The following NUDCD3 variants were observed in gnomAD, a reference collection of about 807,000 sequenced individuals.
NUDCD3 encodes the protein nudC domain-containing protein 3.
Under a neutral mutation model 39.7 loss-of-function variants are expected in NUDCD3, and 13 were observed. That is an observed-to-expected ratio of 0.33 (90% CI 0.21 to 0.52). The LOEUF (loss-of-function observed/expected upper bound fraction) is 0.52. NUDCD3 is among the 20% of genes least tolerant of loss of function. NUDCD3 has a pLI of 0.96. For synonymous variants in NUDCD3, 175 were observed against 172.4 expected (o/e 1.02, Z -0.12); for missense variants, 453 against 458.1 (o/e 0.99, Z 0.10).
At chr7:44,441,609 G>T (rs1164460069) in intron 2 of NUDCD3, among the ~76,000 whole-genome samples, 1 of 152,092 alleles carries the variant, frequency 6.6e-6, no homozygotes. Context: ...TCGCAGCTAG[G>T]ACTACCCACA....
intron 3 of NUDCD3, among the ~76,000 whole-genome samples, chr7:44,426,810 A>AG (rs894895805): frequency 1.3e-5 from 2 of 151,792 alleles, no homozygotes; most frequent in African/African-American, 4.8e-5. Flanking sequence ...AAAAAAAAAA[A>AG]AAAAAATAGC....
At position 44,379,902 on chromosome 7, in the gene NUDCD3, TG is replaced by T; in HGVS notation, c.*6108del. The T allele has an allele frequency of 6.6e-6, 1 of 151,984 alleles. No individual in the cohort carries two copies. Among genetic ancestry groups the T allele is most frequent in the Admixed American group, 6.5e-5 (1 of 15,270 alleles). 9.4% of individuals were successfully genotyped at this position (151,984 alleles called of 1,614,324 possible). A position where few individuals can be genotyped will look rare whatever the true frequency, so the allele number is the denominator to read the frequency against. On this transcript the variant is annotated 3_prime_UTR_variant, in exon 6 of 6. Coordinates refer to ENST00000355451, the MANE Select transcript of NUDCD3 (RefSeq NM_015332.4). ...GCAGGTGTTGCACAGTGGGGAATGG[TG>T]GGTGCAGAGCTGGGTTAGTTTTAGC...
chr7:44,386,371 C>T (rs1031385596), intron 5 of NUDCD3, among the ~76,000 whole-genome samples: 5 of 152,188 alleles, frequency 3.3e-5, no homozygotes, highest in Non-Finnish European at 7.3e-5. Context: ...ATCTTCTGTC[C>T]CCAGCAAGCA....
rs1172735209 is a variant in NUDCD3 at position 44,381,047 on chromosome 7, A to G, written c.*4964T>C. On this transcript the variant is annotated 3_prime_UTR_variant, in exon 6 of 6. Coordinates refer to ENST00000355451, the MANE Select transcript of NUDCD3 (RefSeq NM_015332.4). ...TCCTAACAGCCTGAGTGACCTCCTC[A>G]TAGCATGGGGTCAGTGCAGCGGCAA... is the stretch of plus-strand genomic sequence containing the variant. 2.0e-5 allele frequency: 3 copies of G among 152,446 alleles called. No individual in the cohort carries two copies. Among genetic ancestry groups the G allele is most frequent in the African/African-American group, 7.2e-5 (3 of 41,586 alleles). 9.4% of individuals were successfully genotyped at this position (152,446 alleles called of 1,614,324 possible).
rs543493972 is a variant in NUDCD3 at position 44,445,782 on chromosome 7, A to C, written c.510-18079T>G. Among the ~76,000 whole-genome samples the C allele has an allele frequency of 6.6e-5, 10 of 152,388 alleles. 1 individual carries two copies. Among genetic ancestry groups the C allele is most frequent in the East Asian group, 5.8e-4 (3 of 5,188 alleles). ...GAAGCAATGAGTTCTCTAATGAGAA[A>C]GTGAAAAACCAAGGCAAAGAGGTTT... On this transcript the variant is annotated intron_variant, in intron 2 of 5. Coordinates refer to ENST00000355451, the MANE Select transcript of NUDCD3 (RefSeq NM_015332.4).
At chr7:44,389,511 T>C (rs1034345639) in intron 5 of NUDCD3, among the ~76,000 whole-genome samples, 1 of 152,176 alleles carries the variant, frequency 6.6e-6, no homozygotes, top group Non-Finnish European at 1.5e-5. Context: ...ACCCCGTCTC[T>C]ACTAAAAATA....
intron 4 of NUDCD3, among the ~76,000 whole-genome samples, chr7:44,401,483 C>T (rs945387153): frequency 1.3e-5 from 2 of 152,154 alleles, no homozygotes; most frequent in South Asian, 2.1e-4. Flanking sequence ...GAGCCCTGCA[C>T]GGGAGCACTA....
At chr7:44,446,403 C>T (rs1799691386) in intron 2 of NUDCD3, among the ~76,000 whole-genome samples, 1 of 152,216 alleles carries the variant, frequency 6.6e-6, no homozygotes, top group Admixed American at 6.5e-5. Context: ...AGTACTTTTC[C>T]GTTCTCATTA....
chr7:44,414,090 C>T (rs950561982), intron 3 of NUDCD3, among the ~76,000 whole-genome samples: 2 of 151,514 alleles, frequency 1.3e-5, no homozygotes, highest in Non-Finnish European at 2.9e-5. Context: ...TTCAATATAG[C>T]AACTACACTT....
rs552493147 is a variant in NUDCD3 at position 44,383,551 on chromosome 7, G to T, written c.*2460C>A. The T allele has an allele frequency of 6.6e-6, 1 of 152,362 alleles. No individual in the cohort carries two copies. The highest frequency in any genetic ancestry group is 6.5e-5 in the Admixed American group (1 of 15,300). The allele number at this position is 152,362 out of a possible 1,614,324, so 9.4% of individuals were successfully genotyped here. On this transcript the variant is annotated 3_prime_UTR_variant, in exon 6 of 6. Transcript: ENST00000355451. ...CAACAATAATGACCATGCACAGACA[G>T]AACTGTCTCAGCAGCAAATGTCACA... is the stretch of plus-strand genomic sequence containing the variant.
chr7:44,408,854 A>T (rs1798874939), intron 3 of NUDCD3, among the ~76,000 whole-genome samples: 1 of 152,198 alleles, frequency 6.6e-6, no homozygotes, highest in Non-Finnish European at 1.5e-5. Flanking sequence ...CAGTGCTCTT[A>T]GAGCTCTTTC....
intron 2 of NUDCD3, among the ~76,000 whole-genome samples, chr7:44,478,009 AT>A (rs1800412530): frequency 6.6e-6 from 1 of 151,414 alleles, no homozygotes; most frequent in South Asian, 2.1e-4. Flanking sequence ...AATTTTTTGT[AT>A]TTTTATAGAG....
Position 44,485,070 on chromosome 7 carries a change from G to T in NUDCD3, c.407C>A (p.Pro136Gln), listed in dbSNP as rs370549116. Residue 136 changes from proline to glutamine, a missense_variant, in exon 2 of 6, where the codon CCA becomes CAA. By Grantham distance (76) the Pro-to-Gln change is moderately conservative. Transcript: ENST00000355451. ...GHQEVEKVQP[P>Q]GPVKEMAHGS... is the part of the protein sequence containing the mutation. ...ATGGGCCATTTCCTTCACAGGGCCT[G>T]GAGGCTGCACTTTCTCTACTTCCTG... The T allele has an allele frequency of 5.6e-6, 9 of 1,614,024 alleles. No individual in the cohort carries two copies. The African/African-American group carries it at 1.2e-4, about 22-fold the overall frequency.
At chr7:44,440,059 C>T (rs1023367064) in intron 2 of NUDCD3, among the ~76,000 whole-genome samples, 5 of 152,202 alleles carry the variant, frequency 3.3e-5, no homozygotes, top group East Asian at 1.9e-4. Context: ...ATTAATGCCC[C>T]GCCCTTCAGT....
chr7:44,422,169 GC>G (rs1202461783), intron 3 of NUDCD3, among the ~76,000 whole-genome samples: 1 of 152,172 alleles, frequency 6.6e-6, no homozygotes, highest in Non-Finnish European at 1.5e-5. Flanking sequence ...AGCACTAAAT[GC>G]CCACATCAGA....
chr7:44,429,238 T>G (rs928677780), intron 2 of NUDCD3, among the ~76,000 whole-genome samples: 1 of 152,208 alleles, frequency 6.6e-6, no homozygotes, highest in African/African-American at 2.4e-5. Context: ...GTTGGAATCT[T>G]AATCCCCAGG....
chr7:44,453,029 T>C (rs2116937230), intron 2 of NUDCD3, among the ~76,000 whole-genome samples: 1 of 152,276 alleles, frequency 6.6e-6, no homozygotes, highest in East Asian at 1.9e-4. Flanking sequence ...ACATAACAGC[T>C]CAGACGGCTG....
intron 3 of NUDCD3, among the ~76,000 whole-genome samples, chr7:44,414,085 T>C (rs1798978176): frequency 6.6e-6 from 1 of 151,968 alleles, no homozygotes; most frequent in African/African-American, 2.4e-5. Context: ...TACCTTTCAA[T>C]ATAGCAACTA....
intron 2 of NUDCD3, among the ~76,000 whole-genome samples, chr7:44,453,556 G>A (rs893689525): frequency 4.6e-5 from 7 of 152,012 alleles, no homozygotes; most frequent in African/African-American, 1.7e-4. Flanking sequence ...CTAACCCCAA[G>A]ATGAAGGTTA....
Sources: gnomAD v4.1 joint callset for allele counts (sites outside exome capture counted in the v4.1 genomes callset) on GRCh38, gnomAD v4.1.1 for gene constraint, MANE v1.5 for transcripts, NCBI Gene and HGNC (gene_info 2026-07-23, HGNC 2026-07-21) for gene names.